ARX: variants seen among roughly 807,000 people sequenced by gnomAD.
ARX encodes the protein homeobox protein ARX.
ARX carries 1 observed loss-of-function variant against 23.1 expected under a neutral mutation model. The observed-to-expected ratio is 0.04, with a 90% CI of 0.02 to 0.21. The LOEUF (loss-of-function observed/expected upper bound fraction) is 0.21, where lower values mean the gene tolerates loss of function less well. Ranked by LOEUF, ARX falls within the 10% of genes least tolerant of loss-of-function variation. ARX has a pLI of 1.00. For missense variants in ARX, 380 were observed against 527.5 expected (o/e 0.72, Z 2.74); for synonymous variants, 301 against 270.1 (o/e 1.11, Z -1.12).
chrX:25,004,269 A>G lies in ARX; in HGVS notation c.*401T>C, dbSNP rs762724492. 1,376 of 143,957 alleles carry G rather than the reference A, an allele frequency of 9.6e-3. 10 individuals are homozygous for G. Among genetic ancestry groups the G allele is most frequent in the Non-Finnish European group, 0.015 (1,147 of 75,048 alleles). The allele number at this position is 143,957 out of a possible 1,213,427, so 11.9% of individuals were successfully genotyped here. A position where few individuals can be genotyped will look rare whatever the true frequency, so the allele number is the denominator to read the frequency against. Reference sequence around the variant, plus strand: ...GCGCCAAAATGCTATTTAAAAAAAAAAAAGAAAGAAAGAAAGAAAGAAAAG... The same window carrying G: ...GCGCCAAAATGCTATTTAAAAAAAAGAAAGAAAGAAAGAAAGAAAGAAAAG... On this transcript the variant is annotated 3_prime_UTR_variant, in exon 5 of 5. Transcript: ENST00000379044.
At position 25,015,794 on chromosome X, in the gene ARX, G is replaced by T; in HGVS notation, c.-57C>A. On this transcript the variant is annotated 5_prime_UTR_variant, in exon 1 of 5. Coordinates refer to ENST00000379044, the MANE Select transcript of ARX (RefSeq NM_139058.3). ...GGATCGCCGGCTGCCTCTCCCGGAG[G>T]GTGGGATGGATGGGTGTGTGTTGGG... The T allele has an allele frequency of 1.8e-6, 2 of 1,108,224 alleles. No individual in the cohort carries two copies. The highest frequency in any genetic ancestry group is 2.4e-6 in the Non-Finnish European group (2 of 816,681). 91.3% of individuals were successfully genotyped at this position (1,108,224 alleles called of 1,213,427 possible).
intron 4 of ARX, 40 bp downstream of exon 4, chrX:25,007,071 G>C: frequency 2.6e-6 from 3 of 1,160,703 alleles, no homozygotes; most frequent in Non-Finnish European, 3.5e-6. Context: ...GTGTGTATGA[G>C]AGACAGACAG....
intron 4 of ARX, among the ~76,000 whole-genome samples, chrX:25,005,512 G>T (rs1167120281): frequency 8.9e-6 from 1 of 112,468 alleles, no homozygotes; most frequent in Non-Finnish European, 1.9e-5. Flanking sequence ...CCGCCCTTCC[G>T]CGCGGGACTC....
chrX:25,004,339 A>G lies in ARX; in HGVS notation c.*331T>C. 4.2e-6 allele frequency: 1 copy of G among 240,831 alleles called. No homozygotes were observed. Among genetic ancestry groups the G allele is most frequent in the Non-Finnish European group, 7.3e-6 (1 of 136,330 alleles). The allele number at this position is 240,831 out of a possible 1,213,427, so 19.8% of individuals were successfully genotyped here. On this transcript the variant is annotated 3_prime_UTR_variant, in exon 5 of 5. Coordinates refer to ENST00000379044, the MANE Select transcript of ARX (RefSeq NM_139058.3). The stretch of plus-strand genomic sequence containing the variant: ...AGGAGGAAGAGGTTGGGCTTTTTAA[A>G]TTTTTTACTTCAATATCAGGCGTCT...
At chrX:25,008,680 A>G (rs1442736390) in intron 3 of ARX, among the ~76,000 whole-genome samples, 2 of 112,371 alleles carry the variant, frequency 1.8e-5, no homozygotes, top group African/African-American at 6.5e-5. Context: ...CCAGGGCTAT[A>G]CAGAGTTATA....
At position 25,007,138 on chromosome X, in the gene ARX, G is replaced by A; in HGVS notation, c.1421C>T (p.Pro474Leu). 1 of 1,201,843 alleles carries A rather than the reference G, an allele frequency of 8.3e-7. No individual in the cohort carries two copies. The highest frequency in any genetic ancestry group is 1.1e-6 in the Non-Finnish European group (1 of 891,203). The change falls in exon 4 of 5, where the codon CCA (proline) becomes CTA (leucine). Residue 474 changes from proline (P) to leucine (L), a missense_variant. By Grantham distance (98) the Pro-to-Leu change is moderately conservative. Coordinates refer to ENST00000379044, the MANE Select transcript of ARX (RefSeq NM_139058.3). ...TFLGAAVFRH[P>L]AFISPAFGRL... The stretch of plus-strand genomic sequence containing the variant: ...GCCGAATGCCGGGCTGATGAAAGCT[G>A]GGTGTCGGAACACTGCCGCTCCGAG...
In ARX at chrX:25,013,336, C is replaced by G. The variant is rs2147323924; in HGVS notation, c.659G>C (p.Gly220Ala). Residue 220 changes from glycine (G) to alanine (A), a missense_variant, in exon 2 of 5, where the codon GGC (glycine) becomes GCC (alanine). Gly to Ala is a moderately conservative substitution (Grantham distance 60). Transcript: ENST00000379044. Reference protein sequence around the residue: ...GPGSAPAAGGGTGTEDDEEEL... With the variant: ...GPGSAPAAGGATGTEDDEEEL... ...CTCCTCGTCGTCCTCGGTGCCGGTG[C>G]CACCACCCGCAGCCGGGGCGCTGCC... is the stretch of plus-strand genomic sequence containing the variant. The G allele has an allele frequency of 8.7e-7, 1 of 1,151,805 alleles. No individual in the cohort carries two copies. The highest frequency in any genetic ancestry group is 1.9e-5 in the South Asian group (1 of 52,228). 94.9% of individuals were successfully genotyped at this position (1,151,805 alleles called of 1,213,427 possible). A position where few individuals can be genotyped will look rare whatever the true frequency, so the allele number is the denominator to read the frequency against.
Position 25,008,593 on chromosome X carries a change from C to T in ARX, c.1120-1154G>A, listed in dbSNP as rs911636593. 7.1e-5 allele frequency among the ~76,000 whole-genome samples: 8 copies of T among 111,961 alleles called. No individual in the cohort carries two copies. In the East Asian group the frequency reaches 2.2e-3, roughly 31 times the overall value. On this transcript the variant is annotated intron_variant, in intron 3 of 4. Transcript: ENST00000379044. ...ACACCCACAGCTGGGAAGATATGCT[C>T]CTTCTCCCCTGAAGGCATTAATATT...
Position 25,004,270 on chromosome X carries a change from AAAG to A in ARX, c.*397_*399del, listed in dbSNP as rs2048666895. On this transcript the variant is annotated 3_prime_UTR_variant, in exon 5 of 5. Coordinates refer to ENST00000379044, the MANE Select transcript of ARX (RefSeq NM_139058.3). ...CGCCAAAATGCTATTTAAAAAAAAAAAAGAAAGAAAGAAAGAAAGAAAAGAAAG... is the reference window on the plus strand; with the variant it reads ...CGCCAAAATGCTATTTAAAAAAAAAAAAAGAAAGAAAGAAAGAAAAGAAAG... 3 of 142,789 alleles carry A rather than the reference AAAG, an allele frequency of 2.1e-5. No individual in the cohort carries two copies. The highest frequency in any genetic ancestry group is 8.2e-5 in the Admixed American group (1 of 12,165). The allele number at this position is 142,789 out of a possible 1,213,427, so 11.8% of individuals were successfully genotyped here.
At chrX:25,005,445 C>T (rs1357828225) in intron 4 of ARX, among the ~76,000 whole-genome samples, 1 of 112,600 alleles carries the variant, frequency 8.9e-6, no homozygotes, top group African/African-American at 3.2e-5. Flanking sequence ...GGACTTTCTG[C>T]GCCCTGAAGA....
Position 25,007,173 on chromosome X carries a change from C to T in ARX, c.1386G>A (p.Leu462=), listed in dbSNP as rs1265017258. The T allele has an allele frequency of 7.5e-6, 9 of 1,195,289 alleles. No individual in the cohort carries two copies. Among genetic ancestry groups the T allele is most frequent in the East Asian group, 3.0e-5 (1 of 32,828 alleles). The change falls in exon 4 of 5, where the codon CTG becomes CTA. Residue 462 remains leucine (L), a synonymous_variant. Transcript: ENST00000379044. ...SLPPSGAPLG[L]STFLGAAVFR... ...ACACTGCCGCTCCGAGGAAAGTGCT[C>T]AGGCCCAGCGGCGCCCCGCTGGGCG...
In ARX at chrX:25,015,601, G is replaced by A; in HGVS notation, c.137C>T (p.Ala46Val). The change falls in exon 1 of 5, where the codon GCC (alanine) becomes GTC (valine). Residue 46 changes from alanine to valine, a missense_variant. Ala to Val is a moderately conservative substitution (Grantham distance 64, BLOSUM62 0). Transcript: ENST00000379044. ...RSPCKMRLLG[A>V]AQSLPAPLTS... The stretch of plus-strand genomic sequence containing the variant: ...CAGCGGAGCAGGCAAGCTCTGCGCG[G>A]CTCCCAGCAACCGCATTTTGCACGG... 1 of 1,210,392 alleles carries A rather than the reference G, an allele frequency of 8.3e-7. No individual in the cohort carries two copies. Among genetic ancestry groups the A allele is most frequent in the Non-Finnish European group, 1.1e-6 (1 of 894,772 alleles).
At chrX:25,006,872 G>GGTTGTC (rs1279313290) in intron 4 of ARX, among the ~76,000 whole-genome samples, 1 of 111,174 alleles carries the variant, frequency 9.0e-6, no homozygotes, top group African/African-American at 3.3e-5. Flanking sequence ...CGGTTGTCAC[G>GGTTGTC]GTTGTCGTTA....
chrX:25,007,575 G>T, intron 3 of ARX, 136 bp from the exon 4 acceptor site: 1 of 841,648 alleles, frequency 1.2e-6, no homozygotes, highest in Non-Finnish European at 1.6e-6. Context: ...GCCCCTCTTT[G>T]GCCTCAGGTT....
Position 25,015,766 on chromosome X carries a change from A to C in ARX, c.-29T>G, listed in dbSNP as rs1372759146. 7 of 1,172,064 alleles carry C rather than the reference A, an allele frequency of 6.0e-6. No individual in the cohort carries two copies. The highest frequency in any genetic ancestry group is 8.0e-6 in the Non-Finnish European group (7 of 872,665). ...TGGGGCTTTTTCCCAGGGCGCAGAG[A>C]GCGGATCGCCGGCTGCCTCTCCCGG... is the stretch of plus-strand genomic sequence containing the variant. On this transcript the variant is annotated 5_prime_UTR_variant, in exon 1 of 5. Coordinates refer to ENST00000379044, the MANE Select transcript of ARX (RefSeq NM_139058.3).
chrX:25,004,716 T>A lies in ARX; in HGVS notation c.1643A>T (p.Gln548Leu). Reference sequence around the variant, plus strand: ...GCTGGTGCCCGGCAGGATGTTGAGCTGCGTGAGCTGCGCCGCGTGCTCCTT... The same window carrying A: ...GCTGGTGCCCGGCAGGATGTTGAGCAGCGTGAGCTGCGCCGCGTGCTCCTT... Reference protein sequence around the residue: ...KAKEHAAQLTQLNILPGTSTG... With the variant: ...KAKEHAAQLTLLNILPGTSTG... The change falls in exon 5 of 5, where the codon CAG becomes CTG. Residue 548 changes from glutamine (Q) to leucine (L), a missense_variant. Around this residue, in one of 3 missense-constraint regions of ARX, gnomAD observed 121 missense variants for 169.7 expected, o/e 0.71. Coordinates refer to ENST00000379044, the MANE Select transcript of ARX (RefSeq NM_139058.3). The A allele has an allele frequency of 8.6e-7, 1 of 1,164,089 alleles. No homozygotes were observed. The highest frequency in any genetic ancestry group is 1.8e-5 in the African/African-American group (1 of 56,134).
Position 25,004,483 on chromosome X carries a change from G to T in ARX, c.*187C>A. 5.2e-6 allele frequency: 4 copies of T among 769,629 alleles called. No homozygotes were observed. Among genetic ancestry groups the T allele is most frequent in the Non-Finnish European group, 5.5e-6 (3 of 543,196 alleles). The allele number at this position is 769,629 out of a possible 1,213,427, so 63.4% of individuals were successfully genotyped here. The stretch of plus-strand genomic sequence containing the variant: ...GGCAGGGGCGGGTGGACAGCCAGCC[G>T]AGGAGGTGCCACGTCCCGGAGCGCC... On this transcript the variant is annotated 3_prime_UTR_variant, in exon 5 of 5. Transcript: ENST00000379044.
At chrX:25,006,042 T>A (rs1384169803) in intron 4 of ARX, 1 of 112,066 alleles carries the variant, frequency 8.9e-6, no homozygotes, top group African/African-American at 3.3e-5. Context: ...GCCCAGACCC[T>A]CTTCCAGCCT....
At position 25,004,329 on chromosome X, in the gene ARX, G is replaced by T. The variant is rs1048087304; in HGVS notation, c.*341C>A. On this transcript the variant is annotated 3_prime_UTR_variant, in exon 5 of 5. Transcript: ENST00000379044. ...GTGGGGTGTCAGGAGGAAGAGGTTG[G>T]GCTTTTTAAATTTTTTACTTCAATA... The T allele has an allele frequency of 1.7e-5, 4 of 231,926 alleles. No homozygotes were observed. Among genetic ancestry groups the T allele is most frequent in the African/African-American group, 1.2e-4 (4 of 33,570 alleles). The allele number at this position is 231,926 out of a possible 1,213,427, so 19.1% of individuals were successfully genotyped here.
Sources: allele counts gnomAD v4.1 joint callset (sites outside exome capture counted in the v4.1 genomes callset), GRCh38; gene constraint gnomAD v4.1.1; regional missense constraint gnomAD v4.1.1; transcripts MANE v1.5; gene names NCBI Gene and HGNC (gene_info 2026-07-23, HGNC 2026-07-21).